Variants in CPEB3 observed in about 807,000 individuals in gnomAD.
CPEB3 encodes the protein cytoplasmic polyadenylation element-binding protein 3.
In CPEB3, 20 loss-of-function variants were observed where a neutral mutation model predicts 67.2. That is an observed-to-expected ratio of 0.30 (90% CI 0.21 to 0.43). The LOEUF (loss-of-function observed/expected upper bound fraction) is 0.43, where lower values mean the gene tolerates loss of function less well. Among genes scored for constraint, CPEB3 ranks in the 20% least tolerant of loss-of-function variants. The pLI is 1.00. For missense variants in CPEB3, 746 were observed against 968.6 expected, an observed-to-expected ratio of 0.77 and a Z score of 3.05; for synonymous variants, 376 against 393.1, an observed-to-expected ratio of 0.96 and a Z score of 0.51.
At chr10:92,161,047 C>A (rs1005892175) in intron 4 of CPEB3, among the ~76,000 whole-genome samples, 5 of 152,008 alleles carry the variant, frequency 3.3e-5, no homozygotes, top group African/African-American at 1.2e-4. Flanking sequence ...CAGATAATTT[C>A]TGTATCTTTT....
At chr10:92,252,795 C>G (rs1023893087) in intron 1 of CPEB3, among the ~76,000 whole-genome samples, 3 of 152,174 alleles carry the variant, frequency 2.0e-5, no homozygotes, top group Admixed American at 2.0e-4. Flanking sequence ...GCTGAGATTA[C>G]ATGTGTGAGC....
At chr10:92,123,094 C>T (rs542434188) in intron 6 of CPEB3, among the ~76,000 whole-genome samples, 3 of 152,218 alleles carry the variant, frequency 2.0e-5, no homozygotes, top group African/African-American at 7.2e-5. Context: ...AAGCCGGCAG[C>T]GTAGAACCAC....
intron 2 of CPEB3, among the ~76,000 whole-genome samples, chr10:92,213,411 G>A (rs1336977829): frequency 6.6e-6 from 1 of 152,144 alleles, no homozygotes; most frequent in African/African-American, 2.4e-5. Flanking sequence ...ATGATGATCG[G>A]TTTGAAAAGG....
intron 9 of CPEB3, among the ~76,000 whole-genome samples, chr10:92,072,950 T>C (rs1167354924): frequency 6.6e-6 from 1 of 151,488 alleles, no homozygotes; most frequent in East Asian, 1.9e-4. Context: ...CTAGTAAACA[T>C]GAGCCATAAG....
intron 6 of CPEB3, among the ~76,000 whole-genome samples, chr10:92,118,233 G>A (rs1158421713): frequency 6.6e-6 from 1 of 152,172 alleles, no homozygotes; most frequent in East Asian, 1.9e-4. Flanking sequence ...CGGGGTTCAG[G>A]TGATTCTCCT....
intron 2 of CPEB3, among the ~76,000 whole-genome samples, chr10:92,198,040 A>G (rs1849323791): frequency 6.6e-6 from 1 of 152,200 alleles, no homozygotes; most frequent in South Asian, 2.1e-4. Context: ...CAGGAGGCGG[A>G]GGCTGCAGTG....
At chr10:92,162,620 G>A (rs1847541896) in intron 4 of CPEB3, among the ~76,000 whole-genome samples, 1 of 152,004 alleles carries the variant, frequency 6.6e-6, no homozygotes. Flanking sequence ...TATTTTACAG[G>A]GGGAAATACA....
chr10:92,075,253 GA>G (rs1842891191), intron 9 of CPEB3, among the ~76,000 whole-genome samples: 1 of 152,142 alleles, frequency 6.6e-6, no homozygotes, highest in Admixed American at 6.6e-5. Context: ...CTGTAACTTT[GA>G]AGAGCACAGG....
intron 3 of CPEB3, among the ~76,000 whole-genome samples, chr10:92,183,317 G>A (rs1848546635): frequency 2.0e-5 from 3 of 151,978 alleles, no homozygotes; most frequent in Admixed American, 6.6e-5. Flanking sequence ...CGTGCCTTAC[G>A]TTTTTTCAGT....
At chr10:92,176,712 C>A (rs1232422678) in intron 4 of CPEB3, among the ~76,000 whole-genome samples, 4 of 152,194 alleles carry the variant, frequency 2.6e-5, no homozygotes, top group African/African-American at 9.7e-5. Context: ...TTAATTTGAA[C>A]ATAAATTTGG....
chr10:92,095,643 T>TAA (rs1271319549), intron 7 of CPEB3, among the ~76,000 whole-genome samples: 1 of 148,190 alleles, frequency 6.7e-6, no homozygotes, highest in African/African-American at 2.5e-5. Context: ...CGTATATATA[T>TAA]AATATATATA....
intron 8 of CPEB3, among the ~76,000 whole-genome samples, chr10:92,087,096 G>A (rs1843407703): frequency 1.3e-5 from 2 of 152,158 alleles, no homozygotes; most frequent in African/African-American, 4.8e-5. Context: ...TGTTTCCTAA[G>A]TCACAAATCA....
At chr10:92,101,049 C>T (rs1844163503) in intron 7 of CPEB3, among the ~76,000 whole-genome samples, 1 of 152,158 alleles carries the variant, frequency 6.6e-6, no homozygotes, top group African/African-American at 2.4e-5. Flanking sequence ...TGTATGGTCC[C>T]TTCTTTAGGT....
At chr10:92,251,389 T>TTC (rs140503056) in intron 1 of CPEB3, among the ~76,000 whole-genome samples, 93 of 149,688 alleles carry the variant, frequency 6.2e-4, no homozygotes, top group South Asian at 8.4e-4. Flanking sequence ...TTCTCTCCTC[T>TTC]TCTCTCTCTC....
At position 92,239,425 on chromosome 10, in the gene CPEB3, G is replaced by T. The variant is rs1391654815; in HGVS notation, c.926C>A (p.Ala309Glu). Reference protein sequence around the residue: ...NVIAPPKFPRAAPLTSKSWME... With the variant: ...NVIAPPKFPREAPLTSKSWME... Reference sequence around the variant, plus strand: ...CCAGGACTTGGAAGTGAGAGGGGCCGCGCGAGGGAACTTGGGCGGCGCGAT... The same window carrying T: ...CCAGGACTTGGAAGTGAGAGGGGCCTCGCGAGGGAACTTGGGCGGCGCGAT... Residue 309 changes from alanine to glutamate, a missense_variant, in exon 2 of 10, where the codon GCG (alanine) becomes GAG (glutamate). Physicochemically the swap from Ala to Glu is moderately radical, Grantham distance 107. Around this residue, in one of 2 missense-constraint regions of CPEB3, gnomAD observed 643 missense variants for 717.5 expected, o/e 0.90. Transcript: ENST00000265997. The surrounding 1 kb of genome is among the most constrained non-coding windows in gnomAD (Gnocchi z 6.0). 1 of 1,602,822 alleles carries T rather than the reference G, an allele frequency of 6.2e-7. No individual in the cohort carries two copies. Among genetic ancestry groups the T allele is most frequent in the Non-Finnish European group, 8.5e-7 (1 of 1,174,538 alleles).
intron 7 of CPEB3, among the ~76,000 whole-genome samples, chr10:92,093,250 C>T (rs1843697308): frequency 6.6e-6 from 1 of 152,144 alleles, no homozygotes; most frequent in African/African-American, 2.4e-5. Context: ...TTCCCCCTCC[C>T]CTCCACCAAT....
intron 1 of CPEB3, among the ~76,000 whole-genome samples, chr10:92,290,234 C>CA (rs1228465653): frequency 6.6e-6 from 1 of 151,954 alleles, no homozygotes; most frequent in Non-Finnish European, 1.5e-5. Flanking sequence ...ACAGGTCGTC[C>CA]AAAAAACGCA....
chr10:92,115,310 C>T (rs1844962142), intron 6 of CPEB3, among the ~76,000 whole-genome samples: 1 of 152,226 alleles, frequency 6.6e-6, no homozygotes, highest in African/African-American at 2.4e-5. Context: ...TGTGACACCA[C>T]ACCCGACTAA....
intron 9 of CPEB3, among the ~76,000 whole-genome samples, chr10:92,056,275 G>T (rs1342463980): frequency 6.6e-6 from 1 of 152,138 alleles, no homozygotes; most frequent in African/African-American, 2.4e-5. Context: ...CTCTCAAACA[G>T]CAACAGTCAA....
Sources: gnomAD v4.1 joint callset for allele counts (sites outside exome capture counted in the v4.1 genomes callset) on GRCh38, gnomAD v4.1.1 for gene constraint, gnomAD v4.1.1 regional missense constraint, Gnocchi (gnomAD v3.1) non-coding constraint, MANE v1.5 for transcripts, NCBI Gene and HGNC (gene_info 2026-07-23, HGNC 2026-07-21) for gene names.